The following KIAA1217 variants were observed in gnomAD, a reference collection of about 807,000 sequenced individuals.
KIAA1217 encodes KIAA1217.
KIAA1217 carries 88 observed loss-of-function variants against 163.9 expected under a neutral mutation model. That is an observed-to-expected ratio of 0.54 (90% CI 0.45 to 0.64). The LOEUF (loss-of-function observed/expected upper bound fraction) is 0.64, where lower values mean the gene tolerates loss of function less well. Ranked by LOEUF, KIAA1217 falls within the 30% of genes least tolerant of loss-of-function variation. The pLI is 0.00. For synonymous variants in KIAA1217, 903 were observed against 923.1 expected, an observed-to-expected ratio of 0.98 and a Z score of 0.39; for missense variants, 2,372 against 2,475.0, an observed-to-expected ratio of 0.96 and a Z score of 0.88.
intron 2 of KIAA1217, among the ~76,000 whole-genome samples, chr10:24,319,016 T>C (rs2043772604): frequency 6.6e-6 from 1 of 151,654 alleles, no homozygotes; most frequent in Admixed American, 6.6e-5. Context: ...TGAGTTCAGG[T>C]GGAGGGCACA....
intron 1 of KIAA1217, among the ~76,000 whole-genome samples, chr10:23,794,997 G>A (rs1417268271): frequency 6.6e-6 from 1 of 152,206 alleles, no homozygotes; most frequent in Non-Finnish European, 1.5e-5. Flanking sequence ...GGAAGCCCCA[G>A]GGCTTTCTTC....
In KIAA1217 at chr10:24,543,302, T is replaced by C. The variant is rs1490807018; in HGVS notation, c.4032T>C (p.Asp1344=). The part of the protein sequence containing the change: ...KTEDQEVITT[D]FGQVVLRPKE... ...AAGATCAAGAGGTTATCACGACAGA[T>C]TTTGGCCAAGTTGTTCTAAGACCCA... The change falls in exon 19 of 21, where the codon GAT becomes GAC. Residue 1344 remains aspartate, a synonymous_variant. Transcript: ENST00000376454. 1.2e-6 allele frequency: 2 copies of C among 1,613,966 alleles called. No individual in the cohort carries two copies. Among genetic ancestry groups the C allele is most frequent in the Non-Finnish European group, 1.7e-6 (2 of 1,180,010 alleles).
At position 23,758,606 on chromosome 10, in the gene KIAA1217, C is replaced by CTTTCTT. The variant is rs1834043218; in HGVS notation, c.-321+63373_-321+63374insTTCTTT. Reference sequence around the variant, plus strand: ...TTCTTGATTTTCTCTCTTTTCTTTTCTCTTTCTTTCTTTCTTACTTTCTCT... The same window carrying CTTTCTT: ...TTCTTGATTTTCTCTCTTTTCTTTTCTTTCTTTCTTTCTTTCTTTCTTACTTTCTCT... On this transcript the variant is annotated intron_variant, in intron 1 of 18. Coordinates refer to the KIAA1217 transcript ENST00000376462. Among the ~76,000 whole-genome samples the CTTTCTT allele has an allele frequency of 8.9e-5, 13 of 145,422 alleles. No homozygotes were observed. In the South Asian group the frequency reaches 2.8e-3, roughly 32 times the overall value.
chr10:24,046,067 T>G (rs1848998340), intron 2 of KIAA1217, among the ~76,000 whole-genome samples: 1 of 151,730 alleles, frequency 6.6e-6, no homozygotes, highest in Non-Finnish European at 1.5e-5. Flanking sequence ...CCTCTGACCC[T>G]AAATTGTTTT....
chr10:23,847,452 C>T (rs760279147), intron 1 of KIAA1217, among the ~76,000 whole-genome samples: 12 of 151,964 alleles, frequency 7.9e-5, no homozygotes, highest in African/African-American at 1.7e-4. Context: ...GGTTTAAACT[C>T]GGGAGGGTGT....
chr10:24,358,431 G>A (rs575845549), intron 2 of KIAA1217, among the ~76,000 whole-genome samples: 24 of 152,306 alleles, frequency 1.6e-4, no homozygotes, highest in African/African-American at 5.5e-4. Flanking sequence ...AACTGGGAAT[G>A]TGGAGGCTTA....
intron 2 of KIAA1217, among the ~76,000 whole-genome samples, chr10:24,169,070 G>GT (rs2065493899): frequency 6.6e-6 from 1 of 152,228 alleles, no homozygotes; most frequent in African/African-American, 2.4e-5. Context: ...AATGAGCATA[G>GT]TTAACCCTTC....
chr10:24,262,739 A>G (rs1223022651), intron 2 of KIAA1217, among the ~76,000 whole-genome samples: 1 of 152,050 alleles, frequency 6.6e-6, no homozygotes, highest in African/African-American at 2.4e-5. Context: ...TTATAAAAGT[A>G]CTGTAAGTCC....
chr10:24,319,960 G>T (rs1387982752), intron 2 of KIAA1217, among the ~76,000 whole-genome samples: 1 of 152,124 alleles, frequency 6.6e-6, no homozygotes, highest in African/African-American at 2.4e-5. Context: ...CCGCATGAAT[G>T]ATACAATACT....
chr10:23,958,768 T>C (rs1844681716), intron 1 of KIAA1217, among the ~76,000 whole-genome samples: 1 of 152,064 alleles, frequency 6.6e-6, no homozygotes, highest in African/African-American at 2.4e-5. Context: ...CAGGCTCTCA[T>C]ACCATGCGAA....
chr10:24,235,513 T>C (rs1450645703), intron 2 of KIAA1217, among the ~76,000 whole-genome samples: 1 of 152,250 alleles, frequency 6.6e-6, no homozygotes, highest in African/African-American at 2.4e-5. Context: ...TCTACCTTTT[T>C]CATGTTTGAC....
intron 2 of KIAA1217, among the ~76,000 whole-genome samples, chr10:24,168,158 A>AT (rs1380504648): frequency 6.6e-6 from 1 of 152,196 alleles, no homozygotes; most frequent in African/African-American, 2.4e-5. Flanking sequence ...TGCTAGGGGT[A>AT]TGTGACACAA....
intron 1 of KIAA1217, among the ~76,000 whole-genome samples, chr10:23,729,244 A>G (rs976845181): frequency 1.3e-5 from 2 of 152,248 alleles, no homozygotes; most frequent in Non-Finnish European, 2.9e-5. Context: ...TTATGAATAA[A>G]GCTGCTATAA....
intron 1 of KIAA1217, among the ~76,000 whole-genome samples, chr10:23,790,408 CATATACATATATACAT>C (rs772782675): frequency 4.8e-5 from 5 of 104,650 alleles, no homozygotes; most frequent in South Asian, 5.5e-4. Flanking sequence ...TACATATATA[CATATACATATATACAT>C]ATATACATAT....
intron 2 of KIAA1217, chr10:24,158,483 T>C (rs557847530): frequency 2.1e-5 from 11 of 531,902 alleles, no homozygotes; most frequent in African/African-American, 1.5e-4. Flanking sequence ...CAGTCTAAAC[T>C]GCAGGCTCGG....
chr10:23,739,162 G>A (rs1055865902), intron 1 of KIAA1217, among the ~76,000 whole-genome samples: 2 of 152,140 alleles, frequency 1.3e-5, no homozygotes, highest in South Asian at 4.1e-4. Context: ...AAAGTCAAAT[G>A]CCACATATTC....
At chr10:24,051,040 C>G (rs1042370274) in intron 2 of KIAA1217, among the ~76,000 whole-genome samples, 2 of 152,138 alleles carry the variant, frequency 1.3e-5, no homozygotes, top group Admixed American at 6.5e-5. Context: ...AATGTACACT[C>G]TACCCAATAT....
chr10:24,401,985 A>AT (rs1237435665), intron 3 of KIAA1217, among the ~76,000 whole-genome samples: 1 of 152,238 alleles, frequency 6.6e-6, no homozygotes, highest in Admixed American at 6.5e-5. Context: ...TTAGGTATAC[A>AT]TAAAACAAAA....
intron 1 of KIAA1217, among the ~76,000 whole-genome samples, chr10:23,946,934 A>C (rs1490358089): frequency 6.6e-6 from 1 of 152,122 alleles, no homozygotes; most frequent in African/African-American, 2.4e-5. Flanking sequence ...AGGTAATTGA[A>C]TCATGGGGGT....
Sources: allele counts gnomAD v4.1 joint callset (sites outside exome capture counted in the v4.1 genomes callset), GRCh38; gene constraint gnomAD v4.1.1; transcripts MANE v1.5; gene names NCBI Gene and HGNC (gene_info 2026-07-23, HGNC 2026-07-21).